SAP18: variants seen among roughly 807,000 people sequenced by gnomAD.
SAP18 encodes histone deacetylase complex subunit SAP18.
Under a neutral mutation model 18.6 loss-of-function variants are expected in SAP18, and 4 were observed. That is an observed-to-expected ratio of 0.21 (90% CI 0.11 to 0.49). The LOEUF (loss-of-function observed/expected upper bound fraction) is 0.49, where lower values mean the gene tolerates loss of function less well. Among genes scored for constraint, SAP18 ranks in the 20% least tolerant of loss-of-function variants. The pLI is 0.98. For synonymous variants in SAP18, 112 were observed against 82.8 expected (o/e 1.35, Z -1.92); for missense variants, 170 against 226.4 (o/e 0.75, Z 1.60).
chr13:21,141,370 G>T, intron 2 of SAP18: 1 of 241,278 alleles, frequency 4.1e-6, no homozygotes, highest in Non-Finnish European at 8.3e-6. Context: ...TGATGCTGTC[G>T]AGTGGTATTT....
At chr13:21,144,800 G>C (rs1376738943) in intron 2 of SAP18, among the ~76,000 whole-genome samples, 1 of 152,164 alleles carries the variant, frequency 6.6e-6, no homozygotes, top group East Asian at 1.9e-4. Flanking sequence ...GTCCTTAGAA[G>C]GTGGGAAGCT....
chr13:21,148,145 A>AT (rs1869716539), exon 4 of SAP18: 1 of 151,886 alleles, frequency 6.6e-6, no homozygotes, highest in East Asian at 1.9e-4. Context: ...ATCTGATCTG[A>AT]GAGGCAGTAA....
At chr13:21,147,011 C>A in intron 3 of SAP18, 84 bp downstream of exon 3, 1 of 1,469,582 alleles carries the variant, frequency 6.8e-7, no homozygotes, top group Non-Finnish European at 9.2e-7. Context: ...TTCAATGAAT[C>A]TTGTTAGTGG....
At chr13:21,144,588 G>C (rs1869580645) in intron 2 of SAP18, among the ~76,000 whole-genome samples, 1 of 152,016 alleles carries the variant, frequency 6.6e-6, no homozygotes. Flanking sequence ...ATAGACCTCT[G>C]AATTTAAGGT....
In SAP18 at chr13:21,140,688, G is replaced by A. The variant is rs1407139875; in HGVS notation, c.129+7G>A. 1 of 1,609,638 alleles carries A rather than the reference G, an allele frequency of 6.2e-7. No individual in the cohort carries two copies. Among genetic ancestry groups the A allele is most frequent in the East Asian group, 2.2e-5 (1 of 44,636 alleles). On this transcript the variant is annotated splice_region_variant and intron_variant, in intron 1 of 3. Transcript: ENST00000621421. Reference sequence around the variant, plus strand: ...ACCGATCGACCGCGAGAAGGTGAAGGCCCCCTCCGCTTTGGGGTCCGGGAA... The same window carrying A: ...ACCGATCGACCGCGAGAAGGTGAAGACCCCCTCCGCTTTGGGGTCCGGGAA...
exon 3 of SAP18, chr13:21,146,817 C>T (rs4620): frequency 0.46 from 732,965 of 1,591,476 alleles, 174,008 homozygotes; most frequent in East Asian, 0.67. Flanking sequence ...TGGATGCAAC[C>T]TTGAAAGAAC....
At chr13:21,140,827 G>T in intron 1 of SAP18, 59 bp from the exon 2 acceptor site, 1 of 1,574,162 alleles carries the variant, frequency 6.4e-7, no homozygotes, top group Non-Finnish European at 8.7e-7. Flanking sequence ...AGAGAGATGA[G>T]CTCCGGGTTC....
At chr13:21,145,460 T>A (rs1024532813) in intron 2 of SAP18, among the ~76,000 whole-genome samples, 11 of 152,070 alleles carry the variant, frequency 7.2e-5, no homozygotes, top group African/African-American at 1.9e-4. Flanking sequence ...CATCAAAATA[T>A]CAGGTTGAAA....
At chr13:21,147,397 T>A (rs941203755) in exon 4 of SAP18, 9 of 1,464,370 alleles carry the variant, frequency 6.1e-6, no homozygotes, top group Admixed American at 1.9e-5. Context: ...AAAATAAACA[T>A]ACTCTTCTTC....
chr13:21,144,332 G>T (rs1418628713), intron 2 of SAP18, among the ~76,000 whole-genome samples: 1 of 146,130 alleles, frequency 6.8e-6, no homozygotes, highest in Non-Finnish European at 1.5e-5. Context: ...TTGAACCCAG[G>T]TGGCAGAGGT....
At chr13:21,148,231 T>C (rs1203381354) in exon 4 of SAP18, 1 of 152,232 alleles carries the variant, frequency 6.6e-6, no homozygotes, top group Non-Finnish European at 1.5e-5. Flanking sequence ...GGATAAATTA[T>C]TTCAATCTTT....
At chr13:21,140,592 G>A in exon 1 of SAP18, 1 of 1,609,516 alleles carries the variant, frequency 6.2e-7, no homozygotes, top group Non-Finnish European at 8.5e-7. Context: ...CGAGCGTCTC[G>A]CAGGCCGTAG....
exon 4 of SAP18, chr13:21,147,556 T>G (rs1869692289): frequency 1.9e-6 from 1 of 539,544 alleles, no homozygotes; most frequent in East Asian, 3.3e-5. Context: ...AAAAGTGCTC[T>G]TAGCATTCTG....
intron 2 of SAP18, among the ~76,000 whole-genome samples, chr13:21,144,524 G>C (rs190087131): frequency 6.6e-6 from 1 of 151,922 alleles, no homozygotes; most frequent in Admixed American, 6.6e-5. Flanking sequence ...GGAAGGAAAG[G>C]CTGCTCTTAG....
exon 1 of SAP18, chr13:21,140,543 C>G (rs777722330): frequency 2.5e-6 from 4 of 1,578,698 alleles, no homozygotes; most frequent in South Asian, 2.3e-5. Flanking sequence ...TCGCGAGAGA[C>G]TTAGTGCTCA....
intron 2 of SAP18, among the ~76,000 whole-genome samples, chr13:21,142,595 A>T (rs905307294): frequency 5.3e-5 from 8 of 151,932 alleles, no homozygotes; most frequent in Admixed American, 1.3e-4. Context: ...CCAAAGTGGT[A>T]GGTTTACAGG....
chr13:21,148,588 C>A (rs1345708737), exon 4 of SAP18: 2 of 152,056 alleles, frequency 1.3e-5, no homozygotes, highest in Admixed American at 1.3e-4. Flanking sequence ...AATTGGTGTC[C>A]CTGTTAGCAA....
intron 3 of SAP18, 122 bp from the exon 4 acceptor site, chr13:21,147,064 G>A (rs1335388898): frequency 2.8e-6 from 4 of 1,431,730 alleles, no homozygotes; most frequent in East Asian, 2.3e-5. Context: ...GCTTAATAAA[G>A]TAGTTAAATT....
intron 2 of SAP18, among the ~76,000 whole-genome samples, chr13:21,142,584 C>T (rs1340642238): frequency 1.3e-5 from 2 of 152,212 alleles, no homozygotes; most frequent in African/African-American, 4.8e-5. Context: ...ACCTTGGCTT[C>T]CCAAAGTGGT....
Sources: allele counts gnomAD v4.1 joint callset (sites outside exome capture counted in the v4.1 genomes callset), GRCh38; gene constraint gnomAD v4.1.1; transcripts MANE v1.5; gene names NCBI Gene and HGNC (gene_info 2026-07-23, HGNC 2026-07-21).